Variants in PRPF6 observed in about 807,000 individuals in gnomAD.
PRPF6 encodes the protein pre-mRNA-processing factor 6.
PRPF6 carries 42 observed loss-of-function variants against 118.3 expected under a neutral mutation model. The ratio of observed to expected loss-of-function variants is 0.35; its 90% CI spans 0.28 to 0.46. The LOEUF is 0.46. PRPF6 is among the 20% of genes least tolerant of loss of function. The probability of loss-of-function intolerance (pLI) is 1.00; values close to 1 mark genes in which losing one functional copy is unlikely to be tolerated. For synonymous variants in PRPF6, 481 were observed against 485.1 expected, an observed-to-expected ratio of 0.99 and a Z score of 0.11; for missense variants, 662 against 1,255.7, an observed-to-expected ratio of 0.53 and a Z score of 7.15.
intron 19 of PRPF6, among the ~76,000 whole-genome samples, chr20:64,030,266 C>G (rs1288245700): frequency 6.6e-6 from 1 of 152,174 alleles, no homozygotes; most frequent in African/African-American, 2.4e-5. Flanking sequence ...CTTGGAAGAA[C>G]CCTGGGTTCC....
At chr20:64,010,986 C>T (rs561197480) in intron 10 of PRPF6, among the ~76,000 whole-genome samples, 5 of 152,308 alleles carry the variant, frequency 3.3e-5, no homozygotes, top group Admixed American at 3.3e-4. Context: ...TCATCCTGCT[C>T]GTCTGTGCCA....
At chr20:63,991,718 A>C (rs571889586) in intron 3 of PRPF6, among the ~76,000 whole-genome samples, 42 of 152,132 alleles carry the variant, frequency 2.8e-4, no homozygotes, top group African/African-American at 1.0e-3. Flanking sequence ...TAAACCCAGG[A>C]GGCGGAGGTT....
intron 3 of PRPF6, among the ~76,000 whole-genome samples, chr20:63,991,174 AG>A (rs1386001205): frequency 1.3e-5 from 2 of 151,494 alleles, no homozygotes; most frequent in African/African-American, 2.4e-5. Flanking sequence ...GTGTAATCCT[AG>A]TACCTTGGGA....
chr20:64,002,014 G>GTTTTTTTT lies in PRPF6; in HGVS notation c.1186+790_1186+797dup, dbSNP rs386394238. On this transcript the variant is annotated intron_variant, in intron 9 of 20. Coordinates refer to ENST00000266079, the MANE Select transcript of PRPF6 (RefSeq NM_012469.4). ...TTTCATTTTTTGTTTTTTTTTTCTG[G>GTTTTTTTT]TTTTTTTTTTTTTTTTTTTTTTGAG... 3.2e-3 allele frequency among the ~76,000 whole-genome samples: 265 copies of GTTTTTTTT among 83,244 alleles called. 1 individual carries two copies. The highest frequency in any genetic ancestry group is 4.0e-3 in the East Asian group (10 of 2,516). The allele number at this position is 83,244 out of a possible 152,430, so 54.6% of individuals were successfully genotyped here. A position where few individuals can be genotyped will look rare whatever the true frequency, so the allele number is the denominator to read the frequency against.
At chr20:64,025,906 A>T in intron 14 of PRPF6, 33 bp from the exon 15 acceptor site, 2 of 1,613,190 alleles carry the variant, frequency 1.2e-6, no homozygotes, top group Non-Finnish European at 1.7e-6. Flanking sequence ...CTGTGTTCTG[A>T]CCCCTCTTGA....
intron 19 of PRPF6, among the ~76,000 whole-genome samples, chr20:64,031,573 T>C (rs575863065): frequency 5.3e-5 from 8 of 149,560 alleles, no homozygotes; most frequent in Non-Finnish European, 8.8e-5. Context: ...CTCAGGAGGC[T>C]GAGGCAGGAG....
In PRPF6 at chr20:63,994,997, C is replaced by T. The variant is rs1305913712; in HGVS notation, c.520C>T (p.Pro174Ser). Residue 174 changes from proline to serine, a missense_variant, in exon 5 of 21, where the codon CCA becomes TCA. Pro to Ser is a moderately conservative substitution (Grantham distance 74). Around this residue, in one of 10 missense-constraint regions of PRPF6, gnomAD observed 97 missense variants for 122.6 expected, o/e 0.79. Coordinates refer to ENST00000266079, the MANE Select transcript of PRPF6 (RefSeq NM_012469.4). The stretch of plus-strand genomic sequence containing the variant: ...TGCCAGAAATAAACGTCAGCGGAAC[C>T]CACGCTATGAGAAGCTGACCCCTGT... ...GDARNKRQRN[P>S]RYEKLTPVPD... 1 of 1,614,200 alleles carries T rather than the reference C, an allele frequency of 6.2e-7. No individual in the cohort carries two copies. Among genetic ancestry groups the T allele is most frequent in the Non-Finnish European group, 8.5e-7 (1 of 1,180,040 alleles).
rs73153127 is a variant in PRPF6, at chr20:64,011,671, C to T, written c.1524+168C>T. Among the ~76,000 whole-genome samples, 4,330 of 152,348 alleles carry T rather than the reference C, an allele frequency of 0.028. 103 individuals carry two copies. Among genetic ancestry groups the T allele is most frequent in the Non-Finnish European group, 0.036 (2,463 of 68,032 alleles). Reference sequence around the variant, plus strand: ...TGAGGGACCTGGGCATGCCCACTGTCGCTCTTGATGGATTCAGGCCTGGAG... The same window carrying T: ...TGAGGGACCTGGGCATGCCCACTGTTGCTCTTGATGGATTCAGGCCTGGAG... On this transcript the variant is annotated intron_variant, in intron 11 of 20. Transcript: ENST00000266079. This position sits in a 1 kb window ranked among gnomAD's most constrained non-coding sequence, Gnocchi z 6.7.
In PRPF6 at chr20:64,031,682, A is replaced by AC. The variant is rs1491525471; in HGVS notation, c.2547-236_2547-235insC. On this transcript the variant is annotated intron_variant, in intron 19 of 20. Coordinates refer to ENST00000266079, the MANE Select transcript of PRPF6 (RefSeq NM_012469.4). Reference sequence around the variant, plus strand: ...AGCGAGACTCCTTCTCAAAAAAAAAAAAAAAAAAACAACAAAAAAAAACCA... The same window carrying AC: ...AGCGAGACTCCTTCTCAAAAAAAAAACAAAAAAAAACAACAAAAAAAAACCA... 5.2e-3 allele frequency among the ~76,000 whole-genome samples: 761 copies of AC among 147,114 alleles called. 2 individuals are homozygous for AC. The highest frequency in any genetic ancestry group is 7.8e-3 in the Non-Finnish European group (529 of 67,880).
At chr20:64,014,033 G>A (rs1030623786) in intron 11 of PRPF6, among the ~76,000 whole-genome samples, 10 of 151,924 alleles carry the variant, frequency 6.6e-5, no homozygotes, top group African/African-American at 2.4e-4. Flanking sequence ...TGCTTCCTGG[G>A]CTCAAGCAAT....
chr20:63,986,831 A>G (rs1179658471), intron 3 of PRPF6, among the ~76,000 whole-genome samples: 2 of 151,702 alleles, frequency 1.3e-5, no homozygotes, highest in African/African-American at 4.8e-5. Context: ...ATAAGATTCA[A>G]CATTCCTTGA....
chr20:63,999,001 AC>A, intron 6 of PRPF6, 43 bp from the exon 7 acceptor site: 1 of 1,494,114 alleles, frequency 6.7e-7, no homozygotes, highest in Non-Finnish European at 9.3e-7. Flanking sequence ...TTTGTTTTGC[AC>A]CTGGTCATGT....
chr20:64,018,269 A>T (rs762095546), intron 12 of PRPF6, among the ~76,000 whole-genome samples: 5 of 152,224 alleles, frequency 3.3e-5, no homozygotes, highest in Non-Finnish European at 7.3e-5. Context: ...TCTGTGAGGA[A>T]TACAGGGTCA....
Position 64,031,970 on chromosome 20 carries a change from A to T in PRPF6, c.2599A>T (p.Thr867Ser), listed in dbSNP as rs2059316661. The change falls in exon 20 of 21, where the codon ACT (threonine) becomes TCT (serine). Residue 867 changes from threonine (T) to serine (S), a missense_variant. Transcript: ENST00000266079. ...CAAGGCCAGGGAGTGGTTCCACCGC[A>T]CTGTGAAGATTGACTCGGACCTGGG... is the stretch of plus-strand genomic sequence containing the variant. ...ITKAREWFHR[T>S]VKIDSDLGDA... is the part of the protein sequence containing the mutation. 3 of 1,614,154 alleles carry T rather than the reference A, an allele frequency of 1.9e-6. No homozygotes were observed. Among genetic ancestry groups the T allele is most frequent in the Non-Finnish European group, 8.5e-7 (1 of 1,180,032 alleles).
chr20:64,021,556 GTGTGTC>G (rs1339318418), intron 12 of PRPF6, among the ~76,000 whole-genome samples: 1 of 148,326 alleles, frequency 6.7e-6, no homozygotes, highest in African/African-American at 2.5e-5. Context: ...GTCTGTGTGT[GTGTGTC>G]TGTGTGTGTG....
At chr20:63,997,738 AT>A (rs575002746) in intron 6 of PRPF6, among the ~76,000 whole-genome samples, 1 of 151,736 alleles carries the variant, frequency 6.6e-6, no homozygotes, top group African/African-American at 2.4e-5. Context: ...TAGAAGTGTG[AT>A]TTTTTTGTAT....
At chr20:64,016,613 C>G in intron 11 of PRPF6, 110 bp from the exon 12 acceptor site, 1 of 1,413,422 alleles carries the variant, frequency 7.1e-7, no homozygotes, top group Non-Finnish European at 9.8e-7. Flanking sequence ...GTGTCAGCAT[C>G]TTGTGCTGAT....
chr20:64,024,735 A>G, intron 14 of PRPF6, 42 bp downstream of exon 14: 1 of 1,602,056 alleles, frequency 6.2e-7, no homozygotes, highest in Non-Finnish European at 8.5e-7. Flanking sequence ...CTGTGCACAC[A>G]GGAGCTGACC....
Position 64,016,893 on chromosome 20 carries a change from G to C in PRPF6, c.1647+48G>C, listed in dbSNP as rs184406165. ...TGTCCGTAATATGGAGTCTCTGCTT[G>C]TGGGAACAGCAGGCACCTTATAAAC... On this transcript the variant is annotated intron_variant, in intron 12 of 20. Coordinates refer to ENST00000266079, the MANE Select transcript of PRPF6 (RefSeq NM_012469.4). 2.2e-4 allele frequency: 347 copies of C among 1,611,960 alleles called. 3 individuals are homozygous for C. In the African/African-American group the frequency reaches 4.3e-3, roughly 20 times the overall value.
Sources: allele counts gnomAD v4.1 joint callset (sites outside exome capture counted in the v4.1 genomes callset), GRCh38; gene constraint gnomAD v4.1.1; regional missense constraint gnomAD v4.1.1; non-coding constraint Gnocchi (gnomAD v3.1); transcripts MANE v1.5; gene names NCBI Gene and HGNC (gene_info 2026-07-23, HGNC 2026-07-21).